CEMIP: variants seen among roughly 807,000 people sequenced by gnomAD.
CEMIP encodes cell migration inducing hyaluronidase 1.
A neutral mutation model predicts 156.9 loss-of-function variants in CEMIP; 105 were observed. The ratio of observed to expected loss-of-function variants is 0.67; its 90% CI spans 0.57 to 0.79. The LOEUF (loss-of-function observed/expected upper bound fraction) is 0.79, where lower values mean the gene tolerates loss of function less well. Among genes scored for constraint, CEMIP ranks in the 30% least tolerant of loss-of-function variants. CEMIP has a pLI of 0.00. For synonymous variants in CEMIP, 676 were observed against 668.4 expected (o/e 1.01, Z -0.17); for missense variants, 1,457 against 1,769.4 (o/e 0.82, Z 3.17).
intron 1 of CEMIP, among the ~76,000 whole-genome samples, chr15:80,784,055 T>C (rs1895864781): frequency 6.6e-6 from 1 of 152,208 alleles, no homozygotes; most frequent in South Asian, 2.1e-4. Flanking sequence ...CAGGCCTTCC[T>C]TGCACAGGCA....
intron 11 of CEMIP, among the ~76,000 whole-genome samples, chr15:80,895,457 G>A (rs1162673710): frequency 2.6e-5 from 4 of 152,054 alleles, no homozygotes; most frequent in Non-Finnish European, 5.9e-5. Context: ...AGAAGAGATT[G>A]GAAATGGTCG....
chr15:80,887,436 C>T (rs1898884838), intron 7 of CEMIP, among the ~76,000 whole-genome samples: 1 of 152,146 alleles, frequency 6.6e-6, no homozygotes, highest in Non-Finnish European at 1.5e-5. Flanking sequence ...CCATCTTCTG[C>T]CAGAATGGAG....
chr15:80,903,929 T>G (rs537237427), intron 12 of CEMIP, among the ~76,000 whole-genome samples: 75 of 152,284 alleles, frequency 4.9e-4, no homozygotes, highest in Admixed American at 9.8e-4. Context: ...TGCTTCTGGA[T>G]CTTAGAACTG....
chr15:80,819,487 A>G (rs1392356715), intron 1 of CEMIP, among the ~76,000 whole-genome samples: 1 of 152,208 alleles, frequency 6.6e-6, no homozygotes, highest in Non-Finnish European at 1.5e-5. Flanking sequence ...GATCTTTGTC[A>G]TATCCATTAA....
rs368490933 is a variant in CEMIP, at chr15:80,852,396, G to GT, written c.-175-21132dup. Among the ~76,000 whole-genome samples the GT allele has an allele frequency of 2.1e-3, 315 of 148,822 alleles. 2 individuals carry two copies. Among genetic ancestry groups the GT allele is most frequent in the African/African-American group, 7.2e-3 (291 of 40,600 alleles). ...ATGGCTACTTCCAATGTGTGTGTGTGTTTTTTTTTTAAGTGGAGAGGTACG... is the reference window on the plus strand; with the variant it reads ...ATGGCTACTTCCAATGTGTGTGTGTGTTTTTTTTTTTAAGTGGAGAGGTACG... On this transcript the variant is annotated intron_variant, in intron 1 of 29. Transcript: ENST00000394685.
At chr15:80,784,875 C>A (rs1188986186) in intron 1 of CEMIP, among the ~76,000 whole-genome samples, 1 of 152,148 alleles carries the variant, frequency 6.6e-6, no homozygotes, top group Admixed American at 6.5e-5. Context: ...TGATGACTTT[C>A]TGTGATTCTG....
chr15:80,809,420 T>C (rs1315928644), intron 1 of CEMIP, among the ~76,000 whole-genome samples: 1 of 152,272 alleles, frequency 6.6e-6, no homozygotes, highest in African/African-American at 2.4e-5. Flanking sequence ...CTATTAAATA[T>C]TTCTTCAATC....
chr15:80,803,727 G>A (rs754867922), intron 1 of CEMIP, among the ~76,000 whole-genome samples: 10 of 152,312 alleles, frequency 6.6e-5, no homozygotes, highest in Middle Eastern at 3.4e-3. Context: ...AATCTGTGGC[G>A]TGGAAGAGAT....
At position 80,932,014 on chromosome 15, in the gene CEMIP, C is replaced by A. The variant is rs1288745949; in HGVS notation, c.2768C>A (p.Thr923Asn). 6.2e-7 allele frequency: 1 copy of A among 1,614,038 alleles called. No homozygotes were observed. The highest frequency in any genetic ancestry group is 1.7e-5 in the Admixed American group (1 of 60,038). The change falls in exon 22 of 30, where the codon ACC (threonine) becomes AAC (asparagine). Residue 923 changes from threonine (T) to asparagine (N), a missense_variant. Thr to Asn is a moderately conservative substitution (Grantham distance 65, BLOSUM62 0). Around this residue, in one of 5 missense-constraint regions of CEMIP, gnomAD observed 798 missense variants for 980.1 expected, o/e 0.81. Coordinates refer to ENST00000394685, the MANE Select transcript of CEMIP (RefSeq NM_001293298.2). The surrounding 1 kb of genome is among the most constrained non-coding windows in gnomAD (Gnocchi z 4.5). ...AWQSCPHNNV[T>N]GIAFEDVPIT... is the part of the protein sequence containing the mutation. ...CAGAGCTGCCCCCATAACAACGTGA[C>A]CGGCATTGCCTTTGAGGACGTTCCG...
At chr15:80,852,696 C>T (rs1157521209) in intron 1 of CEMIP, among the ~76,000 whole-genome samples, 2 of 152,140 alleles carry the variant, frequency 1.3e-5, no homozygotes. Context: ...TAGTCTCACC[C>T]CCTCCCTTTT....
intron 1 of CEMIP, among the ~76,000 whole-genome samples, chr15:80,840,294 G>A (rs772303120): frequency 3.3e-5 from 5 of 152,136 alleles, no homozygotes; most frequent in Admixed American, 1.3e-4. Context: ...TTCCACTCAC[G>A]GGGCATGGAG....
At chr15:80,839,701 C>T (rs1897350263) in intron 1 of CEMIP, among the ~76,000 whole-genome samples, 1 of 152,286 alleles carries the variant, frequency 6.6e-6, no homozygotes, top group South Asian at 2.1e-4. Flanking sequence ...TCTTCATCTG[C>T]CCACCTCCCT....
intron 6 of CEMIP, among the ~76,000 whole-genome samples, chr15:80,882,757 T>TAC (rs67853416): frequency 0.02 from 3,003 of 149,944 alleles, 47 homozygotes; most frequent in Middle Eastern, 0.049. Context: ...TGCACACACA[T>TAC]ACACACACAC....
At chr15:80,879,624 T>C (rs576691675) in intron 4 of CEMIP, 92 bp from the exon 5 acceptor site, 9 of 1,459,090 alleles carry the variant, frequency 6.2e-6, no homozygotes, top group South Asian at 5.7e-5. Flanking sequence ...CCCGGTGAGA[T>C]GGGGAGTGCT....
chr15:80,828,716 C>T (rs1024111271), intron 1 of CEMIP, among the ~76,000 whole-genome samples: 1 of 152,174 alleles, frequency 6.6e-6, no homozygotes, highest in Non-Finnish European at 1.5e-5. Flanking sequence ...AGAAAAATAG[C>T]AGGCACTTTG....
chr15:80,870,140 C>A (rs1042130691), intron 1 of CEMIP, among the ~76,000 whole-genome samples: 1 of 152,204 alleles, frequency 6.6e-6, no homozygotes, highest in Admixed American at 6.5e-5. Context: ...GGATTGAAGA[C>A]TCTGGAGCCC....
At chr15:80,844,910 C>G (rs770075174) in intron 1 of CEMIP, among the ~76,000 whole-genome samples, 58 of 152,178 alleles carry the variant, frequency 3.8e-4, no homozygotes, top group Non-Finnish European at 7.1e-4. Flanking sequence ...GCCCCAGAAC[C>G]GAGCACTCAC....
intron 1 of CEMIP, among the ~76,000 whole-genome samples, chr15:80,856,446 G>A (rs1172488169): frequency 6.6e-6 from 1 of 152,186 alleles, no homozygotes; most frequent in Non-Finnish European, 1.5e-5. Flanking sequence ...AAATGTTACT[G>A]GTAGCATCTA....
At chr15:80,840,649 GGT>G (rs1242634419) in intron 1 of CEMIP, among the ~76,000 whole-genome samples, 1 of 152,186 alleles carries the variant, frequency 6.6e-6, no homozygotes, top group Non-Finnish European at 1.5e-5. Flanking sequence ...TGGACTGCTG[GGT>G]GTCCCTGGCC....
Sources: allele counts gnomAD v4.1 joint callset (sites outside exome capture counted in the v4.1 genomes callset), GRCh38; gene constraint gnomAD v4.1.1; regional missense constraint gnomAD v4.1.1; non-coding constraint Gnocchi (gnomAD v3.1); transcripts MANE v1.5; gene names NCBI Gene and HGNC (gene_info 2026-07-23, HGNC 2026-07-21).